Variants in FGGY observed in about 807,000 individuals in gnomAD.
FGGY encodes FGGY carbohydrate kinase domain containing, also known as FGGY carbohydrate kinase domain-containing protein.
FGGY carries 72 observed loss-of-function variants against 71.3 expected under a neutral mutation model. That is an observed-to-expected ratio of 1.01 (90% CI 0.84 to 1.23). The LOEUF is 1.23. FGGY is among the 50% of genes most tolerant of loss of function. FGGY has a pLI of 0.00. For missense variants in FGGY, 668 were observed against 682.3 expected (o/e 0.98, Z 0.23); for synonymous variants, 251 against 250.3 (o/e 1.00, Z -0.02).
intron 7 of FGGY, among the ~76,000 whole-genome samples, chr1:59,514,404 C>T (rs571581619): frequency 6.6e-6 from 1 of 152,344 alleles, no homozygotes; most frequent in East Asian, 1.9e-4. Flanking sequence ...TCACTTCTGC[C>T]CAGGACTCAC....
intron 8 of FGGY, among the ~76,000 whole-genome samples, chr1:59,586,909 G>T (rs1250000560): frequency 6.6e-6 from 1 of 152,208 alleles, no homozygotes; most frequent in African/African-American, 2.4e-5. Flanking sequence ...GAGGTACCGG[G>T]TTCATCTCAC....
At chr1:59,533,322 A>G (rs1000233598) in intron 7 of FGGY, among the ~76,000 whole-genome samples, 9 of 152,198 alleles carry the variant, frequency 5.9e-5, no homozygotes, top group Non-Finnish European at 1.0e-4. Context: ...ACACCAGATT[A>G]TATCCCGCAC....
rs377505663 is a variant in FGGY at position 59,600,982 on chromosome 1, C to CTT, written c.904-6804_904-6803dup. Among the ~76,000 whole-genome samples the CTT allele has an allele frequency of 1.1e-3, 134 of 127,032 alleles. 3 individuals are homozygous for CTT. Among genetic ancestry groups the CTT allele is most frequent in the African/African-American group, 2.5e-3 (82 of 33,310 alleles). The allele number at this position is 127,032 out of a possible 152,430, so 83.3% of individuals were successfully genotyped here. A position where few individuals can be genotyped will look rare whatever the true frequency, so the allele number is the denominator to read the frequency against. ...CCATTCATAAACAAAATTCTCTATG[C>CTT]TTTTTTTTTTTTTTTTTTGTACCAT... On this transcript the variant is annotated intron_variant, in intron 8 of 15. Transcript: ENST00000303721.
At chr1:59,698,123 G>A (rs2097677955) in intron 14 of FGGY, among the ~76,000 whole-genome samples, 1 of 152,048 alleles carries the variant, frequency 6.6e-6, no homozygotes, top group African/African-American at 2.4e-5. Flanking sequence ...CCATTGGGTT[G>A]TTTAGAAATG....
intron 14 of FGGY, among the ~76,000 whole-genome samples, chr1:59,745,089 G>A (rs1260673012): frequency 6.6e-6 from 1 of 152,114 alleles, no homozygotes; most frequent in Non-Finnish European, 1.5e-5. Flanking sequence ...ACCATCCTTA[G>A]CCTCTCAACT....
chr1:59,710,383 A>G (rs1313745488), intron 14 of FGGY, among the ~76,000 whole-genome samples: 2 of 152,234 alleles, frequency 1.3e-5, no homozygotes, highest in Admixed American at 6.5e-5. Context: ...GGACATAGGC[A>G]TGGGCAAAGA....
chr1:59,353,912 G>T, intron 4 of FGGY, among the ~76,000 whole-genome samples: 1 of 151,970 alleles, frequency 6.6e-6, no homozygotes, highest in African/African-American at 2.4e-5. Context: ...TCTAGTTAAA[G>T]AATAAAGATA....
rs374384667 is a variant in FGGY at position 59,741,915 on chromosome 1, G to A, written c.1513-16016G>A. On this transcript the variant is annotated intron_variant, in intron 14 of 15. Coordinates refer to ENST00000303721, the MANE Select transcript of FGGY (RefSeq NM_018291.5). Reference sequence around the variant, plus strand: ...GATCGTAGCACTGCACTCCAGCCTGGGTGACAGAGTGAGACTCCATCTCAA... The same window carrying A: ...GATCGTAGCACTGCACTCCAGCCTGAGTGACAGAGTGAGACTCCATCTCAA... Among the ~76,000 whole-genome samples, 260 of 149,350 alleles carry A rather than the reference G, an allele frequency of 1.7e-3. 2 individuals are homozygous for A. The highest frequency in any genetic ancestry group is 6.1e-3 in the African/African-American group (247 of 40,334).
intron 5 of FGGY, among the ~76,000 whole-genome samples, chr1:59,427,340 A>G (rs1307350047): frequency 6.6e-6 from 1 of 152,158 alleles, no homozygotes; most frequent in Non-Finnish European, 1.5e-5. Context: ...CCTGACAGAA[A>G]CAGATGGCCT....
chr1:59,659,142 C>A (rs2097251191), intron 11 of FGGY, among the ~76,000 whole-genome samples: 1 of 152,142 alleles, frequency 6.6e-6, no homozygotes, highest in Non-Finnish European at 1.5e-5. Flanking sequence ...GTGGAGGTTG[C>A]AGTGAGCCAA....
intron 7 of FGGY, among the ~76,000 whole-genome samples, chr1:59,553,409 C>T (rs531697436): frequency 6.6e-6 from 1 of 152,158 alleles, no homozygotes; most frequent in Non-Finnish European, 1.5e-5. Context: ...ATATTTATAA[C>T]TTTAGTTGCC....
intron 7 of FGGY, among the ~76,000 whole-genome samples, chr1:59,549,896 A>C (rs1038148468): frequency 3.3e-5 from 5 of 152,202 alleles, no homozygotes; most frequent in African/African-American, 7.2e-5. Flanking sequence ...ATGAAGTTTT[A>C]AATGTTCCTT....
At chr1:59,336,297 A>T (rs1451131565) in intron 2 of FGGY, among the ~76,000 whole-genome samples, 1 of 152,138 alleles carries the variant, frequency 6.6e-6, no homozygotes, top group Admixed American at 6.6e-5. Context: ...AAATGGGTTT[A>T]CTTCTTATAT....
chr1:59,669,685 G>T (rs1025559491), intron 13 of FGGY, among the ~76,000 whole-genome samples: 8 of 151,262 alleles, frequency 5.3e-5, no homozygotes, highest in African/African-American at 1.9e-4. Flanking sequence ...ATGAGCCACC[G>T]CACCCGGCCC....
intron 5 of FGGY, among the ~76,000 whole-genome samples, chr1:59,429,846 C>T (rs2067027235): frequency 6.6e-6 from 1 of 152,222 alleles, no homozygotes; most frequent in South Asian, 2.1e-4. Context: ...AAGTGAGTGA[C>T]AACAGGTGCA....
chr1:59,468,261 C>T (rs1337228434), intron 6 of FGGY, among the ~76,000 whole-genome samples: 1 of 152,180 alleles, frequency 6.6e-6, no homozygotes, highest in Non-Finnish European at 1.5e-5. Context: ...TTAAATAATA[C>T]TACTAGCTAA....
At chr1:59,456,782 A>T (rs2091741543) in intron 5 of FGGY, among the ~76,000 whole-genome samples, 179 bp from the exon 6 acceptor site, 1 of 152,312 alleles carries the variant, frequency 6.6e-6, no homozygotes, top group South Asian at 2.1e-4. Context: ...GGAAGGTACT[A>T]TCCATAATTA....
chr1:59,570,082 C>A (rs749454318), intron 8 of FGGY, among the ~76,000 whole-genome samples: 1 of 152,136 alleles, frequency 6.6e-6, no homozygotes, highest in Non-Finnish European at 1.5e-5. Context: ...AATTAATGTG[C>A]ACAAAATATA....
intron 8 of FGGY, among the ~76,000 whole-genome samples, chr1:59,570,525 A>T (rs1039416771): frequency 6.6e-6 from 1 of 152,184 alleles, no homozygotes; most frequent in African/African-American, 2.4e-5. Context: ...ACTTGGACAA[A>T]GTACCTGGTA....
Sources: allele counts gnomAD v4.1 joint callset (sites outside exome capture counted in the v4.1 genomes callset), GRCh38; gene constraint gnomAD v4.1.1; transcripts MANE v1.5; gene names NCBI Gene and HGNC (gene_info 2026-07-23, HGNC 2026-07-21).